Variants in ST3GAL1 observed in about 807,000 individuals in gnomAD.
ST3GAL1 encodes the protein ST3 beta-galactoside alpha-2,3-sialyltransferase 1.
A neutral mutation model predicts 34.1 loss-of-function variants in ST3GAL1; 16 were observed. The ratio of observed to expected loss-of-function variants is 0.47; its 90% CI spans 0.32 to 0.71. The LOEUF (loss-of-function observed/expected upper bound fraction) is 0.71. Ranked by LOEUF, ST3GAL1 falls within the 30% of genes least tolerant of loss-of-function variation. The pLI is 0.04. For missense variants in ST3GAL1, 353 were observed against 447.4 expected (o/e 0.79, Z 1.90); for synonymous variants, 191 against 184.7 (o/e 1.03, Z -0.28).
Position 133,461,775 on chromosome 8 carries a change from G to A in ST3GAL1, c.849+100C>T. Reference sequence around the variant, plus strand: ...CAGGGAATCCGAGCTTCCGGAAGAGGCAGGCTAGGTCTACCTGCCCTCCCC... The same window carrying A: ...CAGGGAATCCGAGCTTCCGGAAGAGACAGGCTAGGTCTACCTGCCCTCCCC... On this transcript the variant is annotated intron_variant, in intron 9 of 9. Coordinates refer to ENST00000522652, the MANE Select transcript of ST3GAL1 (RefSeq NM_173344.3). The surrounding 1 kb of genome is among the most constrained non-coding windows in gnomAD (Gnocchi z 4.7). 6.5e-7 allele frequency: 1 copy of A among 1,527,698 alleles called. No homozygotes were observed. The allele number at this position is 1,527,698 out of a possible 1,614,324, so 94.6% of individuals were successfully genotyped here. A position where few individuals can be genotyped will look rare whatever the true frequency, so the allele number is the denominator to read the frequency against.
At chr8:133,538,110 G>C (rs1322703423) in intron 2 of ST3GAL1, among the ~76,000 whole-genome samples, 1 of 152,210 alleles carries the variant, frequency 6.6e-6, no homozygotes, top group East Asian at 1.9e-4. Flanking sequence ...AGAAAGTATA[G>C]GCAGAAGGAG....
At chr8:133,536,945 A>G (rs1818329532) in intron 2 of ST3GAL1, among the ~76,000 whole-genome samples, 1 of 152,030 alleles carries the variant, frequency 6.6e-6, no homozygotes, top group Non-Finnish European at 1.5e-5. Context: ...CCCACACACC[A>G]TGCACCAGCT....
intron 2 of ST3GAL1, among the ~76,000 whole-genome samples, chr8:133,507,984 G>A (rs563462930): frequency 6.9e-6 from 1 of 144,974 alleles, no homozygotes; most frequent in Admixed American, 6.8e-5. Context: ...CCACAGAGGA[G>A]CTGCCTCCCC....
chr8:133,480,430 C>T (rs113722306), intron 3 of ST3GAL1, among the ~76,000 whole-genome samples: 5 of 152,280 alleles, frequency 3.3e-5, no homozygotes, highest in South Asian at 2.1e-4. Flanking sequence ...ACCCACTGAA[C>T]GGGATGGTAG....
chr8:133,515,523 TG>T (rs1817619605), intron 2 of ST3GAL1: 1 of 152,240 alleles, frequency 6.6e-6, no homozygotes, highest in South Asian at 2.1e-4. Context: ...AATGAGGTTT[TG>T]ACCCAGTAGG....
intron 3 of ST3GAL1, among the ~76,000 whole-genome samples, chr8:133,485,773 A>AAGAG (rs5895193): frequency 1 from 151,338 of 151,860 alleles, 75,410 homozygotes; most frequent in Middle Eastern, 1. Flanking sequence ...TGCAACTGAA[A>AAGAG]AGAGAGGGTG....
At chr8:133,474,617 C>G (rs940254770) in intron 5 of ST3GAL1, among the ~76,000 whole-genome samples, 2 of 152,108 alleles carry the variant, frequency 1.3e-5, no homozygotes, top group African/African-American at 4.8e-5. Flanking sequence ...TGATTTACAG[C>G]CCCCCAGCCA....
intron 2 of ST3GAL1, among the ~76,000 whole-genome samples, chr8:133,543,639 T>A (rs1284698738): frequency 6.6e-6 from 1 of 152,118 alleles, no homozygotes; most frequent in African/African-American, 2.4e-5. Context: ...TCTGGTTTCA[T>A]GAGATTGAGA....
chr8:133,511,968 G>A (rs750687432), intron 2 of ST3GAL1, among the ~76,000 whole-genome samples: 4 of 152,146 alleles, frequency 2.6e-5, no homozygotes, highest in Non-Finnish European at 2.9e-5. Context: ...CAGGAGGATC[G>A]CTTGAACCCG....
At chr8:133,460,156 A>G (rs1179785444) in intron 9 of ST3GAL1, among the ~76,000 whole-genome samples, 2 of 152,236 alleles carry the variant, frequency 1.3e-5, no homozygotes, top group African/African-American at 4.8e-5. Flanking sequence ...GTCTAATTCC[A>G]GAAGCACCCT....
At chr8:133,509,196 T>C (rs1248673134) in intron 2 of ST3GAL1, among the ~76,000 whole-genome samples, 1 of 152,250 alleles carries the variant, frequency 6.6e-6, no homozygotes, top group Non-Finnish European at 1.5e-5. Context: ...TAAAACTGAA[T>C]GAAATTTAAA....
intron 1 of ST3GAL1, chr8:133,567,424 A>AGT (rs1225909097): frequency 1.3e-5 from 2 of 152,260 alleles, no homozygotes; most frequent in African/African-American, 2.4e-5. Flanking sequence ...CCCAGATTTT[A>AGT]CAGTCCAGTG....
chr8:133,504,940 C>T (rs566685635), intron 2 of ST3GAL1, among the ~76,000 whole-genome samples: 108 of 152,064 alleles, frequency 7.1e-4, no homozygotes, highest in African/African-American at 2.5e-3. Context: ...GGAGAATCCA[C>T]GATCTCGAAG....
chr8:133,547,145 A>G (rs1563737181), intron 1 of ST3GAL1, among the ~76,000 whole-genome samples: 1 of 152,176 alleles, frequency 6.6e-6, no homozygotes, highest in African/African-American at 2.4e-5. Context: ...CTCCCCTCCC[A>G]GCATGAGGGA....
In ST3GAL1 at chr8:133,461,817, G is replaced by A. The variant is rs1485738436; in HGVS notation, c.849+58C>T. 9 of 1,606,946 alleles carry A rather than the reference G, an allele frequency of 5.6e-6. No individual in the cohort carries two copies. Among genetic ancestry groups the A allele is most frequent in the Non-Finnish European group, 7.7e-6 (9 of 1,175,546 alleles). On this transcript the variant is annotated intron_variant, in intron 9 of 9. Transcript: ENST00000522652. This position sits in a 1 kb window ranked among gnomAD's most constrained non-coding sequence, Gnocchi z 4.7. ...GCCCTCCCCCTCCCTGGCCTCTCTT[G>A]GGAACACAGGACGGTGAGCTTCGAG...
At chr8:133,496,118 C>T (rs533115193) in intron 3 of ST3GAL1, among the ~76,000 whole-genome samples, 1 of 152,330 alleles carries the variant, frequency 6.6e-6, no homozygotes, top group South Asian at 2.1e-4. Flanking sequence ...CTCCGAGTCA[C>T]ACAGCGCAGG....
intron 3 of ST3GAL1, among the ~76,000 whole-genome samples, chr8:133,492,070 G>A (rs1191631064): frequency 2.0e-5 from 3 of 152,176 alleles, no homozygotes; most frequent in African/African-American, 4.8e-5. Flanking sequence ...AGCAGCTGAG[G>A]CCTGGCAGCC....
chr8:133,460,152 T>C (rs1459440712), intron 9 of ST3GAL1, among the ~76,000 whole-genome samples: 1 of 152,212 alleles, frequency 6.6e-6, no homozygotes, highest in Non-Finnish European at 1.5e-5. Flanking sequence ...TCAAGTCTAA[T>C]TCCAGAAGCA....
chr8:133,498,657 C>T (rs1273821454), intron 3 of ST3GAL1, among the ~76,000 whole-genome samples: 1 of 152,248 alleles, frequency 6.6e-6, no homozygotes, highest in African/African-American at 2.4e-5. Context: ...GGTGTAACTA[C>T]GCAACCATCC....
Sources: allele counts gnomAD v4.1 joint callset (sites outside exome capture counted in the v4.1 genomes callset), GRCh38; gene constraint gnomAD v4.1.1; non-coding constraint Gnocchi (gnomAD v3.1); transcripts MANE v1.5; gene names NCBI Gene and HGNC (gene_info 2026-07-23, HGNC 2026-07-21).